Variants in RBM26 observed in about 807,000 individuals in gnomAD.
RBM26 encodes RNA-binding protein 26.
RBM26 carries 30 observed loss-of-function variants against 123.6 expected under a neutral mutation model. The observed-to-expected ratio is 0.24, with a 90% CI of 0.18 to 0.33. RBM26 has a LOEUF of 0.33. Ranked by LOEUF, RBM26 falls within the 10% of genes least tolerant of loss-of-function variation. The probability of loss-of-function intolerance (pLI) is 1.00; values close to 1 mark genes in which losing one functional copy is unlikely to be tolerated. For missense variants in RBM26, 947 were observed against 1,203.6 expected (o/e 0.79, Z 3.15); for synonymous variants, 400 against 404.4 (o/e 0.99, Z 0.13).
intron 1 of RBM26, among the ~76,000 whole-genome samples, chr13:79,392,547 A>G (rs1566584659): frequency 6.8e-6 from 1 of 146,928 alleles, no homozygotes; most frequent in African/African-American, 2.5e-5. Context: ...ATATATAAAC[A>G]TAATTAATAT....
Position 79,405,739 on chromosome 13 carries a change from T to G in RBM26, c.36A>C (p.Ala12=), listed in dbSNP as rs1036794610. 2 of 1,599,216 alleles carry G rather than the reference T, an allele frequency of 1.3e-6. No individual in the cohort carries two copies. The highest frequency in any genetic ancestry group is 1.7e-6 in the Non-Finnish European group (2 of 1,172,436). Reference sequence around the variant, plus strand: ...GAGTCTTGCTGAGCCAGGACTTGAGTGCCTCGAAGTTTTCAATGATCATTT... The same window carrying G: ...GAGTCTTGCTGAGCCAGGACTTGAGGGCCTCGAAGTTTTCAATGATCATTT... ...VSKMIIENFE[A]LKSWLSKTLE... is the part of the protein sequence containing the mutation. Residue 12 remains alanine, a synonymous_variant, in exon 1 of 22, where the codon GCA becomes GCC. Transcript: ENST00000438737.
intron 19 of RBM26, among the ~76,000 whole-genome samples, chr13:79,336,192 AT>A (rs1184038296): frequency 2.6e-5 from 4 of 152,172 alleles, no homozygotes; most frequent in Non-Finnish European, 5.9e-5. Flanking sequence ...TAAGATCTAA[AT>A]TACAGTTTTA....
intron 3 of RBM26, among the ~76,000 whole-genome samples, chr13:79,374,886 GTAT>G (rs909292381): frequency 1.3e-5 from 2 of 151,604 alleles, no homozygotes; most frequent in Non-Finnish European, 2.9e-5. Context: ...AAAACAGGAA[GTAT>G]TATTACATCA....
At chr13:79,370,695 T>C (rs527769554) in intron 5 of RBM26, among the ~76,000 whole-genome samples, 108 of 152,366 alleles carry the variant, frequency 7.1e-4, no homozygotes, top group African/African-American at 2.4e-3. Context: ...GCTTATCTAC[T>C]TTCTCACCAA....
At chr13:79,380,495 T>TA (rs1190372423) in intron 1 of RBM26, among the ~76,000 whole-genome samples, 106 of 126,224 alleles carry the variant, frequency 8.4e-4, no homozygotes, top group African/African-American at 1.9e-3. Flanking sequence ...GGGAAAGTTT[T>TA]TAAAAAAAAA....
intron 20 of RBM26, among the ~76,000 whole-genome samples, chr13:79,327,425 A>C (rs1051071454): frequency 6.6e-6 from 1 of 152,182 alleles, no homozygotes; most frequent in Non-Finnish European, 1.5e-5. Context: ...TTCATTCTGC[A>C]AAAAAGTCAG....
At chr13:79,369,026 T>A in intron 5 of RBM26, 36 bp from the exon 6 acceptor site, 1 of 1,327,426 alleles carries the variant, frequency 7.5e-7, no homozygotes, top group Admixed American at 2.7e-5. Context: ...AAAACTACAC[T>A]GTATTAAAAA....
Position 79,337,132 on chromosome 13 carries a change from G to T in RBM26, c.2703C>A (p.Ser901Arg). The change falls in exon 19 of 22, where the codon AGC becomes AGA. Residue 901 changes from serine (S) to arginine (R), a missense_variant. Coordinates refer to ENST00000438737, the MANE Select transcript of RBM26 (RefSeq NM_001366735.2). ...RALEISAFTESDREDLLPHFA... is the reference protein window; with the variant it reads ...RALEISAFTERDREDLLPHFA... ...AATGAGGAAGAAGATCTTCTCTATC[G>T]CTCTCCGTAAATGCAGAAATCTCCA... is the stretch of plus-strand genomic sequence containing the variant. 6.2e-7 allele frequency: 1 copy of T among 1,613,878 alleles called. No individual in the cohort carries two copies. The highest frequency in any genetic ancestry group is 8.5e-7 in the Non-Finnish European group (1 of 1,179,972).
chr13:79,378,158 G>A (rs2076801080), intron 2 of RBM26, among the ~76,000 whole-genome samples: 1 of 152,176 alleles, frequency 6.6e-6, no homozygotes, highest in Non-Finnish European at 1.5e-5. Context: ...ATGTGGCAAG[G>A]TACAAAAAGC....
chr13:79,321,770 A>C (rs2067697702), intron 21 of RBM26, among the ~76,000 whole-genome samples: 1 of 150,862 alleles, frequency 6.6e-6, no homozygotes, highest in South Asian at 2.1e-4. Flanking sequence ...GGAAACAATC[A>C]CTCCTTCCTC....
chr13:79,375,081 T>TATATATAAATATATAGTTATATATC (rs1555332794), intron 3 of RBM26, among the ~76,000 whole-genome samples: 4 of 104,368 alleles, frequency 3.8e-5, no homozygotes, highest in Non-Finnish European at 6.2e-5. Flanking sequence ...TTATATGATA[T>TATATATAAATATATAGTTATATATC]ATATAAATAT....
At chr13:79,404,841 A>G (rs371752197) in intron 1 of RBM26, among the ~76,000 whole-genome samples, 16 of 152,280 alleles carry the variant, frequency 1.1e-4, no homozygotes, top group East Asian at 7.7e-4. Flanking sequence ...GGATTTATTT[A>G]TGTCTTGTCG....
At chr13:79,354,315 C>G in intron 13 of RBM26, 124 bp downstream of exon 13, 1 of 779,796 alleles carries the variant, frequency 1.3e-6, no homozygotes, top group Non-Finnish European at 1.8e-6. Flanking sequence ...AGGTGGGGTT[C>G]AAATATGTAA....
At chr13:79,316,751 AACG>A (rs1044445829), downstream of RBM26, among the ~76,000 whole-genome samples, 8 of 151,902 alleles carry the variant, frequency 5.3e-5, no homozygotes, top group African/African-American at 1.9e-4. Context: ...AAATAAGTAA[AACG>A]ACAACTCAAC....
intron 9 of RBM26, among the ~76,000 whole-genome samples, chr13:79,360,586 A>G (rs751199352): frequency 6.6e-6 from 1 of 152,122 alleles, no homozygotes; most frequent in Admixed American, 6.6e-5. Flanking sequence ...TAAAAGATTC[A>G]AAACTTTACA....
intron 3 of RBM26, among the ~76,000 whole-genome samples, chr13:79,373,686 A>T (rs1375621444): frequency 8.1e-5 from 4 of 49,590 alleles, no homozygotes; most frequent in African/African-American, 2.3e-4. Context: ...ACTATATATA[A>T]TAATATATAA....
At chr13:79,322,985 C>T (rs1403438106) in intron 20 of RBM26, among the ~76,000 whole-genome samples, 1 of 151,156 alleles carries the variant, frequency 6.6e-6, no homozygotes, top group Non-Finnish European at 1.5e-5. Flanking sequence ...CAAATTACAT[C>T]AAATGACCAA....
chr13:79,336,680 T>C (rs796915600), intron 19 of RBM26, among the ~76,000 whole-genome samples: 58 of 152,342 alleles, frequency 3.8e-4, no homozygotes, highest in African/African-American at 1.4e-3. Flanking sequence ...TTCAAGATCA[T>C]AGGTCAAAAT....
At chr13:79,402,158 TCTC>T (rs2079105660) in intron 1 of RBM26, among the ~76,000 whole-genome samples, 1 of 152,056 alleles carries the variant, frequency 6.6e-6, no homozygotes, top group South Asian at 2.1e-4. Context: ...TTTCAGGACT[TCTC>T]ATCATCAAAA....
Sources: gnomAD v4.1 joint callset for allele counts (sites outside exome capture counted in the v4.1 genomes callset) on GRCh38, gnomAD v4.1.1 for gene constraint, MANE v1.5 for transcripts, NCBI Gene and HGNC (gene_info 2026-07-23, HGNC 2026-07-21) for gene names.